MS4A8: variants seen among roughly 807,000 people sequenced by gnomAD.
The protein encoded by MS4A8 is membrane-spanning 4-domains subfamily A member 8.
MS4A8 carries 27 observed loss-of-function variants against 23.7 expected under a neutral mutation model. The observed-to-expected ratio is 1.14, with a 90% CI of 0.84 to 1.57. The LOEUF (loss-of-function observed/expected upper bound fraction) is 1.57. Among genes scored for constraint, MS4A8 ranks in the 40% most tolerant of loss-of-function variants. The pLI is 0.00. For missense variants in MS4A8, 301 were observed against 311.4 expected, an observed-to-expected ratio of 0.97 and a Z score of 0.25; for synonymous variants, 138 against 126.3, an observed-to-expected ratio of 1.09 and a Z score of -0.62.
In MS4A8 at chr11:60,700,900, GTGT is replaced by G. The variant is rs758137123; in HGVS notation, c.43_45del (p.Leu15del). 2.6e-5 allele frequency: 42 copies of G among 1,614,048 alleles called. No individual in the cohort carries two copies. The highest frequency in any genetic ancestry group is 8.0e-5 in the African/African-American group (6 of 74,916). On this transcript the variant is annotated inframe_deletion, in exon 2 of 7. Transcript: ENST00000300226. ...TTCAGCAGTTCCGGTGGCCAATTCT[GTGT>G]TGGTGGTGGCACCCCACAATGGTTA...
At chr11:60,701,117 A>G in intron 2 of MS4A8, 38 bp downstream of exon 2, 1 of 1,575,156 alleles carries the variant, frequency 6.3e-7, no homozygotes, top group Non-Finnish European at 8.7e-7. Context: ...CAGACTGCAC[A>G]GCTGGAGTGA....
chr11:60,706,033 C>T (rs548895461), intron 3 of MS4A8, among the ~76,000 whole-genome samples: 11 of 152,066 alleles, frequency 7.2e-5, no homozygotes, highest in Non-Finnish European at 1.2e-4. Flanking sequence ...GGTTGCTAGT[C>T]GGTACGTGGC....
chr11:60,700,955 A>C lies in MS4A8; in HGVS notation c.95A>C (p.His32Pro). 6.2e-7 allele frequency: 1 copy of C among 1,614,202 alleles called. No individual in the cohort carries two copies. Among genetic ancestry groups the C allele is most frequent in the East Asian group, 2.2e-5 (1 of 44,890 alleles). ...GYPVTPGIMS[H>P]VPLYPNSQPQ... ...CCTGTGACCCCAGGAATTATGTCTC[A>C]CGTGCCCCTGTATCCAAACAGCCAG... The change falls in exon 2 of 7, where the codon CAC becomes CCC. Residue 32 changes from histidine to proline, a missense_variant. By Grantham distance (77) the His-to-Pro change is moderately conservative (BLOSUM62 -2). Coordinates refer to ENST00000300226, the MANE Select transcript of MS4A8 (RefSeq NM_031457.2).
intron 3 of MS4A8, among the ~76,000 whole-genome samples, chr11:60,704,892 A>ACT (rs2088242407): frequency 6.7e-6 from 1 of 149,224 alleles, no homozygotes; most frequent in African/African-American, 2.5e-5. Context: ...ATACACACAC[A>ACT]CACTCTCTCT....
intron 3 of MS4A8, among the ~76,000 whole-genome samples, chr11:60,705,705 T>C (rs957024049): frequency 3.9e-5 from 6 of 152,226 alleles, no homozygotes; most frequent in Admixed American, 2.6e-4. Context: ...GAATAAGTTT[T>C]CACTGTAAAT....
intron 2 of MS4A8, chr11:60,701,523 C>T (rs1431783285): frequency 8.6e-6 from 3 of 347,882 alleles, no homozygotes; most frequent in East Asian, 1.5e-4. Flanking sequence ...GAGAGGCTGT[C>T]CTGCGCTGGA....
chr11:60,705,768 G>A (rs1439010446), intron 3 of MS4A8, among the ~76,000 whole-genome samples: 1 of 152,252 alleles, frequency 6.6e-6, no homozygotes, highest in Non-Finnish European at 1.5e-5. Context: ...AGGGAGTATG[G>A]AGTGAGGGTT....
chr11:60,704,429 T>C (rs1383456063), intron 3 of MS4A8, among the ~76,000 whole-genome samples: 1 of 152,158 alleles, frequency 6.6e-6, no homozygotes, highest in Non-Finnish European at 1.5e-5. Context: ...CCAAAAGGGA[T>C]GTGTTTTCTT....
chr11:60,714,176 G>A (rs1166641301), intron 5 of MS4A8, among the ~76,000 whole-genome samples: 2 of 146,210 alleles, frequency 1.4e-5, no homozygotes, highest in East Asian at 1.9e-4. Flanking sequence ...CACCCGCCTC[G>A]GCCTCCCAAA....
intron 2 of MS4A8, chr11:60,701,344 T>G: frequency 1.7e-6 from 1 of 576,172 alleles, no homozygotes; most frequent in Non-Finnish European, 3.3e-6. Flanking sequence ...GTTGATCCTG[T>G]TGCCAGGATC....
At chr11:60,712,394 T>A in intron 5 of MS4A8, 1 of 985,348 alleles carries the variant, frequency 1.0e-6, no homozygotes, top group Non-Finnish European at 1.2e-6. Context: ...AACCACTTGC[T>A]AAATGGAGAG....
chr11:60,703,554 C>A, intron 3 of MS4A8, 54 bp downstream of exon 3: 1 of 1,590,416 alleles, frequency 6.3e-7, no homozygotes, highest in South Asian at 1.1e-5. Context: ...CCAAGGCACT[C>A]AAGGCCACCT....
chr11:60,713,654 T>C (rs2088317965), intron 5 of MS4A8, among the ~76,000 whole-genome samples: 2 of 151,940 alleles, frequency 1.3e-5, no homozygotes, highest in South Asian at 4.2e-4. Flanking sequence ...AGCTTTCCTC[T>C]TACCTCAACT....
chr11:60,712,573 C>A, intron 5 of MS4A8: 1 of 843,314 alleles, frequency 1.2e-6, no homozygotes, highest in Non-Finnish European at 1.4e-6. Context: ...GCAGGTGGAT[C>A]ACTTGAGCTC....
intron 2 of MS4A8, among the ~76,000 whole-genome samples, chr11:60,702,039 T>C (rs1266475255): frequency 2.6e-5 from 4 of 152,218 alleles, no homozygotes; most frequent in African/African-American, 4.8e-5. Context: ...AAGGAAGTAA[T>C]ATATTTGTAT....
intron 5 of MS4A8, among the ~76,000 whole-genome samples, chr11:60,713,548 C>T (rs1057096909): frequency 2.0e-5 from 3 of 152,234 alleles, no homozygotes; most frequent in African/African-American, 7.2e-5. Context: ...GTCCCACCTC[C>T]AGCCCTAAGG....
At chr11:60,703,310 A>C (rs2088221669) in intron 2 of MS4A8, 68 bp from the exon 3 acceptor site, 2 of 1,437,546 alleles carry the variant, frequency 1.4e-6, no homozygotes, top group Non-Finnish European at 1.8e-6. Flanking sequence ...TAAAATTAAA[A>C]GGAGGCTCAT....
intron 5 of MS4A8, chr11:60,712,583 CAGG>C (rs898929642): frequency 2.5e-6 from 2 of 785,310 alleles, no homozygotes; most frequent in Admixed American, 6.3e-5. Flanking sequence ...CACTTGAGCT[CAGG>C]AGTTCAAGAC....
At chr11:60,705,451 G>A (rs2088247741) in intron 3 of MS4A8, among the ~76,000 whole-genome samples, 1 of 152,204 alleles carries the variant, frequency 6.6e-6, no homozygotes, top group Non-Finnish European at 1.5e-5. Flanking sequence ...TGCTCTGCAG[G>A]GCAGTTGTGC....
Sources: allele counts gnomAD v4.1 joint callset (sites outside exome capture counted in the v4.1 genomes callset), GRCh38; gene constraint gnomAD v4.1.1; transcripts MANE v1.5; gene names NCBI Gene and HGNC (gene_info 2026-07-23, HGNC 2026-07-21).